Variants in LRP1B observed in about 807,000 individuals in gnomAD.
LRP1B encodes the protein low-density lipoprotein receptor-related protein 1B.
LRP1B carries 217 observed loss-of-function variants against 556.6 expected under a neutral mutation model. The ratio of observed to expected loss-of-function variants is 0.39; its 90% confidence interval spans 0.35 to 0.44. The LOEUF (loss-of-function observed/expected upper bound fraction) is 0.44, where lower values mean the gene tolerates loss of function less well. LRP1B is among the 20% of genes least tolerant of loss of function. LRP1B has a pLI of 1.00. For missense variants in LRP1B, 5,053 were observed against 5,620.8 expected (o/e 0.90, Z 3.23); for synonymous variants, 2,047 against 1,865.8 (o/e 1.10, Z -2.50).
intron 3 of LRP1B, among the ~76,000 whole-genome samples, chr2:141,376,666 C>A (rs371260221): frequency 2.0e-5 from 3 of 152,018 alleles, no homozygotes; most frequent in African/African-American, 7.3e-5. Context: ...TGAAGTCCAA[C>A]ATAGAAAATT....
In LRP1B at chr2:140,514,747, A is replaced by G. The variant is rs1164539211; in HGVS notation, c.8175T>C (p.Phe2725=). 6.2e-7 allele frequency: 1 copy of G among 1,611,592 alleles called. No individual in the cohort carries two copies. The highest frequency in any genetic ancestry group is 8.5e-7 in the Non-Finnish European group (1 of 1,178,560). The change falls in exon 51 of 91, where the codon TTT becomes TTC. Residue 2725 remains phenylalanine, a synonymous_variant. Transcript: ENST00000389484. The stretch of plus-strand genomic sequence containing the variant: ...AAATACATTTTTGTGCGGAACAAGC[A>G]AATTGGTTCCAAGAGCAAGAAGAAT... ...HCDSSCSWNQ[F]ACSAQKCISK...
At chr2:141,461,464 A>G (rs4622654) in intron 3 of LRP1B, among the ~76,000 whole-genome samples, 70,145 of 151,960 alleles carry the variant, frequency 0.46, 16,730 homozygotes, top group Non-Finnish European at 0.52. Context: ...GTGAAGAAAT[A>G]GCATAGTAGG....
At chr2:140,280,568 C>G (rs1682874022) in intron 84 of LRP1B, among the ~76,000 whole-genome samples, 1 of 151,494 alleles carries the variant, frequency 6.6e-6, no homozygotes, top group African/African-American at 2.4e-5. Flanking sequence ...TACTAGGAAC[C>G]CTGGAAAGAG....
At chr2:141,511,945 G>T (rs1364175759) in intron 2 of LRP1B, among the ~76,000 whole-genome samples, 2 of 152,062 alleles carry the variant, frequency 1.3e-5, no homozygotes, top group East Asian at 3.9e-4. Flanking sequence ...ATAAATTAAT[G>T]GATCAGACAT....
intron 1 of LRP1B, among the ~76,000 whole-genome samples, chr2:141,966,687 G>T (rs1701575538): frequency 2.0e-5 from 3 of 151,612 alleles, no homozygotes; most frequent in Non-Finnish European, 2.9e-5. Flanking sequence ...CTACCAATAA[G>T]ATTCTGAAAG....
At chr2:141,078,801 G>A (rs1441530984) in intron 7 of LRP1B, among the ~76,000 whole-genome samples, 1 of 151,988 alleles carries the variant, frequency 6.6e-6, no homozygotes, top group African/African-American at 2.4e-5. Flanking sequence ...AAACAATGCT[G>A]TCAATTAAAA....
intron 7 of LRP1B, among the ~76,000 whole-genome samples, chr2:141,144,187 T>C (rs1056411305): frequency 7.2e-5 from 11 of 152,168 alleles, no homozygotes; most frequent in African/African-American, 2.7e-4. Context: ...AACCTTACCT[T>C]AGAGTTAATA....
chr2:140,311,346 C>T (rs979912648), intron 83 of LRP1B, among the ~76,000 whole-genome samples: 5 of 151,832 alleles, frequency 3.3e-5, no homozygotes, highest in African/African-American at 7.2e-5. Flanking sequence ...GATACTACTT[C>T]GCCATAGAAA....
In LRP1B at chr2:140,754,962, A is replaced by C. The variant is rs888800222; in HGVS notation, c.5758+14251T>G. On this transcript the variant is annotated intron_variant, in intron 35 of 90. Transcript: ENST00000389484. Reference sequence around the variant, plus strand: ...AATGGAGAAAAAAATGAAATTACTAAAATTAAGAATGAAATATGAGAGACA... The same window carrying C: ...AATGGAGAAAAAAATGAAATTACTACAATTAAGAATGAAATATGAGAGACA... Among the ~76,000 whole-genome samples, 3 of 152,134 alleles carry C rather than the reference A, an allele frequency of 2.0e-5. No homozygotes were observed. The South Asian group carries it at 6.2e-4, about 32-fold the overall frequency.
intron 2 of LRP1B, among the ~76,000 whole-genome samples, chr2:141,598,106 T>G (rs1444258731): frequency 1.3e-5 from 2 of 151,736 alleles, no homozygotes; most frequent in East Asian, 3.9e-4. Context: ...ATTTTTTTAT[T>G]ATATATAATT....
intron 31 of LRP1B, among the ~76,000 whole-genome samples, chr2:140,836,554 G>A (rs899516328): frequency 6.6e-6 from 1 of 152,150 alleles, no homozygotes; most frequent in South Asian, 2.1e-4. Context: ...AATCCAAATG[G>A]TGAATGCTAC....
chr2:141,176,628 A>T (rs1680748332), intron 7 of LRP1B, among the ~76,000 whole-genome samples: 1 of 152,024 alleles, frequency 6.6e-6, no homozygotes, highest in Non-Finnish European at 1.5e-5. Context: ...TCTTTATAGT[A>T]GTGTGAGAAC....
At chr2:141,978,740 C>T (rs1218710315) in intron 1 of LRP1B, among the ~76,000 whole-genome samples, 2 of 151,960 alleles carry the variant, frequency 1.3e-5, no homozygotes, top group Non-Finnish European at 2.9e-5. Flanking sequence ...ATTAAAAAAA[C>T]ATCATCATTT....
At chr2:140,740,378 T>C (rs78930349) in intron 35 of LRP1B, among the ~76,000 whole-genome samples, 9,668 of 152,198 alleles carry the variant, frequency 0.064, 489 homozygotes, top group East Asian at 0.22. Context: ...CTGGATGAGA[T>C]TGGAGACTAT....
chr2:141,944,634 T>A (rs534789226), intron 1 of LRP1B, among the ~76,000 whole-genome samples: 28 of 152,096 alleles, frequency 1.8e-4, no homozygotes, highest in African/African-American at 4.3e-4. Flanking sequence ...CCAAAGAAAA[T>A]ATATATATCC....
intron 1 of LRP1B, among the ~76,000 whole-genome samples, chr2:141,935,526 A>G (rs1171498326): frequency 6.6e-6 from 1 of 152,184 alleles, no homozygotes; most frequent in African/African-American, 2.4e-5. Context: ...AAAATATAGA[A>G]TCTTGTAAAA....
chr2:141,855,262 T>C (rs1698011743), intron 1 of LRP1B, among the ~76,000 whole-genome samples: 1 of 152,050 alleles, frequency 6.6e-6, no homozygotes, highest in African/African-American at 2.4e-5. Context: ...TTTATCTCTG[T>C]TGTTCATAAA....
At chr2:141,794,155 A>G (rs1695722502) in intron 2 of LRP1B, among the ~76,000 whole-genome samples, 1 of 151,940 alleles carries the variant, frequency 6.6e-6, no homozygotes, top group South Asian at 2.1e-4. Flanking sequence ...CACATCTTGA[A>G]TGTGGGCATG....
intron 1 of LRP1B, among the ~76,000 whole-genome samples, chr2:141,848,438 G>A (rs1308805600): frequency 6.6e-6 from 1 of 151,428 alleles, no homozygotes. Flanking sequence ...CAGAGTTAAT[G>A]TTAGAATATG....
Sources: allele counts gnomAD v4.1 joint callset (sites outside exome capture counted in the v4.1 genomes callset), GRCh38; gene constraint gnomAD v4.1.1; transcripts MANE v1.5; gene names NCBI Gene and HGNC (gene_info 2026-07-23, HGNC 2026-07-21).